Variants in GNB2 observed in about 807,000 individuals in gnomAD.
The protein encoded by GNB2 is G protein subunit beta 2, also known as guanine nucleotide-binding protein G(I)/G(S)/G(T) subunit beta-2.
GNB2 carries 7 observed loss-of-function variants against 40.7 expected under a neutral mutation model. That is an observed-to-expected ratio of 0.17 (90% CI 0.10 to 0.32). GNB2 has a LOEUF of 0.32. Ranked by LOEUF, GNB2 falls within the 10% of genes least tolerant of loss-of-function variation. The pLI, the probability that GNB2 is intolerant of heterozygous loss-of-function variation, is 1.00. For synonymous variants in GNB2, 254 were observed against 191.2 expected (o/e 1.33, Z -2.71); for missense variants, 286 against 473.0 (o/e 0.60, Z 3.67).
chr7:100,674,874 C>T (rs1804316117), intron 1 of GNB2, among the ~76,000 whole-genome samples: 1 of 152,284 alleles, frequency 6.6e-6, no homozygotes, highest in East Asian at 1.9e-4. Flanking sequence ...AGGCTTTGTG[C>T]GGGCCTGGGG....
chr7:100,678,667 TG>T, intron 9 of GNB2, 27 bp from the exon 10 acceptor site: 1 of 1,609,492 alleles, frequency 6.2e-7, no homozygotes, highest in Non-Finnish European at 8.5e-7. Context: ...CCAGGCCCAA[TG>T]GGTTCTGACT....
chr7:100,676,478 CCTTTCCTCCCCAACCTGTCTTCTCTCG>C (rs1804350472), intron 2 of GNB2, 30 bp from the exon 3 acceptor site: 2 of 1,471,470 alleles, frequency 1.4e-6, no homozygotes, highest in Middle Eastern at 1.7e-4. Context: ...CTCTTCTCTC[CCTTTCCTCCCCAACCTGTCTTCTCTCG>C]CGTCTCTCTG....
intron 4 of GNB2, 86 bp downstream of exon 4, chr7:100,676,885 C>A: frequency 1.3e-6 from 1 of 754,624 alleles, no homozygotes; most frequent in South Asian, 1.7e-5. Context: ...AGTAAGCAGG[C>A]CACCAAAATA....
Position 100,678,884 on chromosome 7 carries a change from T to C in GNB2, c.*83T>C. The stretch of plus-strand genomic sequence containing the variant: ...GGCCAGGGCTGCGGGGCTGGCGCAA[T>C]CCCAGCCCCCTTCCCCGGGCCACGG... On this transcript the variant is annotated 3_prime_UTR_variant, in exon 10 of 10. Coordinates refer to ENST00000303210, the MANE Select transcript of GNB2 (RefSeq NM_005273.4). 1 of 1,089,146 alleles carries C rather than the reference T, an allele frequency of 9.2e-7. No individual in the cohort carries two copies. The highest frequency in any genetic ancestry group is 1.4e-6 in the Non-Finnish European group (1 of 735,246). 67.5% of individuals were successfully genotyped at this position (1,089,146 alleles called of 1,614,324 possible). A position where few individuals can be genotyped will look rare whatever the true frequency, so the allele number is the denominator to read the frequency against.
chr7:100,676,663 T>C, intron 3 of GNB2, 30 bp from the exon 4 acceptor site: 16 of 1,564,738 alleles, frequency 1.0e-5, no homozygotes, highest in Non-Finnish European at 1.4e-5. Flanking sequence ...TGCCTGGGCC[T>C]CCCCGAGCGC....
chr7:100,676,209 CAG>C lies in GNB2; in HGVS notation c.-56_-55del. The C allele has an allele frequency of 9.2e-7, 1 of 1,086,056 alleles. No homozygotes were observed. The highest frequency in any genetic ancestry group is 1.4e-6 in the Non-Finnish European group (1 of 737,242). 67.3% of individuals were successfully genotyped at this position (1,086,056 alleles called of 1,614,324 possible). Reference sequence around the variant, plus strand: ...GCCAGCGGCCAGGAGCTGCCTCCCCCAGCCCCCGTCCCGCGGCCCCCAGCCGC... The same window carrying C: ...GCCAGCGGCCAGGAGCTGCCTCCCCCCCCCCGTCCCGCGGCCCCCAGCCGC... On this transcript the variant is annotated 5_prime_UTR_variant, in exon 2 of 10. Coordinates refer to ENST00000303210, the MANE Select transcript of GNB2 (RefSeq NM_005273.4).
chr7:100,676,661 C>A, intron 3 of GNB2, 32 bp from the exon 4 acceptor site: 2 of 1,561,616 alleles, frequency 1.3e-6, no homozygotes, highest in Non-Finnish European at 1.8e-6. Context: ...GCTGCCTGGG[C>A]CTCCCCGAGC....
In GNB2 at chr7:100,676,517, C is replaced by T; in HGVS notation, c.58-18C>T. The T allele has an allele frequency of 6.2e-7, 1 of 1,603,338 alleles. No individual in the cohort carries two copies. Among genetic ancestry groups the T allele is most frequent in the South Asian group, 1.1e-5 (1 of 90,898 alleles). ...CCTGTCTTCTCTCGCGTCTCTCTGGCTCTGCCATCCCTTACAGGATGCCCG... is the reference window on the plus strand; with the variant it reads ...CCTGTCTTCTCTCGCGTCTCTCTGGTTCTGCCATCCCTTACAGGATGCCCG... On this transcript the variant is annotated intron_variant, in intron 2 of 9. Coordinates refer to ENST00000303210, the MANE Select transcript of GNB2 (RefSeq NM_005273.4).
chr7:100,676,125 C>T, intron 1 of GNB2, 52 bp from the exon 2 acceptor site: 1 of 560,844 alleles, frequency 1.8e-6, no homozygotes, highest in East Asian at 3.2e-5. Flanking sequence ...CCCCGCCTTT[C>T]TCCCCACTTC....
Position 100,677,214 on chromosome 7 carries a change from C to T in GNB2, c.204-138C>T, listed in dbSNP as rs187480086. Reference sequence around the variant, plus strand: ...ATCACTTGAGCCTAGGAGTTCCAGGCTGCAGTGAGCTGTGATGGTGCCACT... The same window carrying T: ...ATCACTTGAGCCTAGGAGTTCCAGGTTGCAGTGAGCTGTGATGGTGCCACT... On this transcript the variant is annotated intron_variant, in intron 4 of 9. Coordinates refer to ENST00000303210, the MANE Select transcript of GNB2 (RefSeq NM_005273.4). The T allele has an allele frequency of 1.3e-4, 85 of 669,356 alleles. No individual in the cohort carries two copies. In the African/African-American group the frequency reaches 1.5e-3, roughly 12 times the overall value. The allele number at this position is 669,356 out of a possible 1,614,324, so 41.5% of individuals were successfully genotyped here.
At chr7:100,676,510 T>C in intron 2 of GNB2, 25 bp from the exon 3 acceptor site, 1 of 1,597,858 alleles carries the variant, frequency 6.3e-7, no homozygotes, top group Non-Finnish European at 8.6e-7. Flanking sequence ...CTCTCGCGTC[T>C]CTCTGGCTCT....
At chr7:100,674,293 C>T (rs1176091560) in intron 1 of GNB2, among the ~76,000 whole-genome samples, 1 of 150,822 alleles carries the variant, frequency 6.6e-6, no homozygotes, top group Non-Finnish European at 1.5e-5. Context: ...GAGCACCCCT[C>T]GTGTCCTCCA....
chr7:100,676,654 G>A (rs1336582636), intron 3 of GNB2, 39 bp from the exon 4 acceptor site: 2 of 1,558,238 alleles, frequency 1.3e-6, no homozygotes, highest in Non-Finnish European at 8.9e-7. Context: ...CAGTCCTGCT[G>A]CCTGGGCCTC....
chr7:100,677,210 C>T, intron 4 of GNB2, 142 bp from the exon 5 acceptor site: 2 of 660,260 alleles, frequency 3.0e-6, no homozygotes, highest in Non-Finnish European at 5.4e-6. Context: ...CTAGGAGTTC[C>T]AGGCTGCAGT....
chr7:100,676,665 C>T, intron 3 of GNB2, 28 bp from the exon 4 acceptor site: 1 of 1,571,208 alleles, frequency 6.4e-7, no homozygotes, highest in African/African-American at 1.3e-5. Context: ...CCTGGGCCTC[C>T]CCGAGCGCAT....
chr7:100,678,469 C>T lies in GNB2; in HGVS notation c.771C>T (p.Ala257=), dbSNP rs144309481. Residue 257 remains alanine, a synonymous_variant, in exon 9 of 10, where the codon GCC becomes GCT. Coordinates refer to ENST00000303210, the MANE Select transcript of GNB2 (RefSeq NM_005273.4). ...DATCRLFDLR[A]DQELLMYSHD... ...CGTGCCGCCTCTTCGACCTGCGGGC[C>T]GATCAGGAGCTCCTCATGTACTCCC... 108 of 1,613,866 alleles carry T rather than the reference C, an allele frequency of 6.7e-5. No homozygotes were observed. In the East Asian group the frequency reaches 1.0e-3, roughly 16 times the overall value.
In GNB2 at chr7:100,678,626, G is replaced by A. The variant is rs1046454557; in HGVS notation, c.916+12G>A. 5.0e-5 allele frequency: 80 copies of A among 1,610,922 alleles called. No homozygotes were observed. The highest frequency in any genetic ancestry group is 5.9e-5 in the Non-Finnish European group (70 of 1,177,518). On this transcript the variant is annotated intron_variant, in intron 9 of 9. Transcript: ENST00000303210. Reference sequence around the variant, plus strand: ...GGGCGACCGTGCAGGTGACAGCTGGGGCCCAGGCTGGGTGGGCAGGGACCT... The same window carrying A: ...GGGCGACCGTGCAGGTGACAGCTGGAGCCCAGGCTGGGTGGGCAGGGACCT...
chr7:100,677,391 C>T lies in GNB2; in HGVS notation c.243C>T (p.Ile81=). The change falls in exon 5 of 10, where the codon ATC becomes ATT. Residue 81 remains isoleucine, a synonymous_variant. Transcript: ENST00000303210. ...CCTCCCAGGATGGGAAGCTCATCAT[C>T]TGGGACAGCTACACCACCAACAAGG... is the stretch of plus-strand genomic sequence containing the variant. ...VSASQDGKLI[I]WDSYTTNKVH... 6.2e-7 allele frequency: 1 copy of T among 1,613,954 alleles called. No homozygotes were observed. The highest frequency in any genetic ancestry group is 8.5e-7 in the Non-Finnish European group (1 of 1,179,958).
intron 1 of GNB2, 101 bp from the exon 2 acceptor site, chr7:100,676,076 C>T (rs1804340064): frequency 2.0e-6 from 1 of 504,862 alleles, no homozygotes; most frequent in African/African-American, 2.0e-5. Context: ...GCCGCCCCTT[C>T]CCCCTCCCCT....
Sources: allele counts gnomAD v4.1 joint callset (sites outside exome capture counted in the v4.1 genomes callset), GRCh38; gene constraint gnomAD v4.1.1; transcripts MANE v1.5; gene names NCBI Gene and HGNC (gene_info 2026-07-23, HGNC 2026-07-21).